LUC7L3: variants seen among roughly 807,000 people sequenced by gnomAD.
LUC7L3 encodes luc7-like protein 3.
In LUC7L3, 6 loss-of-function variants were observed where a neutral mutation model predicts 66.8. That is an observed-to-expected ratio of 0.09 (90% CI 0.05 to 0.18). The LOEUF is 0.18. Among genes scored for constraint, LUC7L3 ranks in the 10% least tolerant of loss-of-function variants. The probability of loss-of-function intolerance (pLI) is 1.00; values close to 1 mark genes in which losing one functional copy is unlikely to be tolerated. For missense variants in LUC7L3, 341 were observed against 531.1 expected (o/e 0.64, Z 3.52); for synonymous variants, 160 against 174.7 (o/e 0.92, Z 0.66).
In LUC7L3 at chr17:50,751,419, T is replaced by C; in HGVS notation, c.*758T>C. 1 of 1,288,716 alleles carries C rather than the reference T, an allele frequency of 7.8e-7. No homozygotes were observed. Among genetic ancestry groups the C allele is most frequent in the Non-Finnish European group, 1.0e-6 (1 of 988,154 alleles). The allele number at this position is 1,288,716 out of a possible 1,614,324, so 79.8% of individuals were successfully genotyped here. The stretch of plus-strand genomic sequence containing the variant: ...ACATCCATGTTTGAATGCTATTGCC[T>C]GTGATCTTTACGCTTAACTGTTGTG... On this transcript the variant is annotated 3_prime_UTR_variant, in exon 10 of 10. Coordinates refer to ENST00000505658, the MANE Select transcript of LUC7L3 (RefSeq NM_016424.5).
Position 50,750,894 on chromosome 17 carries a change from C to T in LUC7L3, c.*233C>T. 1 of 1,536,084 alleles carries T rather than the reference C, an allele frequency of 6.5e-7. No individual in the cohort carries two copies. Among genetic ancestry groups the T allele is most frequent in the Non-Finnish European group, 8.7e-7 (1 of 1,146,854 alleles). On this transcript the variant is annotated 3_prime_UTR_variant, in exon 10 of 10. Coordinates refer to ENST00000505658, the MANE Select transcript of LUC7L3 (RefSeq NM_016424.5). ...CAGCTATTTTGTAGCAGACTCGTGC[C>T]CCCATTAGTGTGCCTCTTTGGAAAT...
chr17:50,749,258 A>G, intron 9 of LUC7L3: 2 of 1,289,164 alleles, frequency 1.6e-6, no homozygotes, highest in African/African-American at 1.5e-5. Context: ...CTAGTCCTCT[A>G]CGGGACAACA....
chr17:50,733,403 T>TTG (rs553175904), intron 1 of LUC7L3, among the ~76,000 whole-genome samples: 13,681 of 140,386 alleles, frequency 0.097, 1,338 homozygotes, highest in African/African-American at 0.24. Context: ...GGCTAGTTTT[T>TTG]TTTTTTTTTT....
intron 9 of LUC7L3, 65 bp downstream of exon 9, chr17:50,746,767 T>C: frequency 7.0e-7 from 1 of 1,427,420 alleles, no homozygotes; most frequent in Non-Finnish European, 9.6e-7. Flanking sequence ...CCACTCACTT[T>C]TCTCCAGACA....
intron 1 of LUC7L3, among the ~76,000 whole-genome samples, chr17:50,721,366 A>G (rs1219159952): frequency 6.6e-6 from 1 of 152,204 alleles, no homozygotes; most frequent in East Asian, 1.9e-4. Context: ...ATTTGTTGCC[A>G]CATTGCATTG....
intron 2 of LUC7L3, chr17:50,738,102 T>A: frequency 2.2e-6 from 1 of 453,382 alleles, no homozygotes; most frequent in South Asian, 1.6e-5. Context: ...CTCTGCCCTG[T>A]TCCTAGAAGG....
rs757242030 is a variant in LUC7L3 at position 50,746,577 on chromosome 17, G to C, written c.1013G>C (p.Arg338Pro). 6.2e-7 allele frequency: 1 copy of C among 1,613,876 alleles called. No individual in the cohort carries two copies. Among genetic ancestry groups the C allele is most frequent in the African/African-American group, 1.3e-5 (1 of 74,892 alleles). ...RDRRRSRSHD[R>P]SERKHRSRSR... ...CGACGAAGAAGCAGAAGCCATGATC[G>C]ATCAGAAAGAAAACACAGATCTCGA... is the stretch of plus-strand genomic sequence containing the variant. Residue 338 changes from arginine to proline, a missense_variant, in exon 9 of 10, where the codon CGA (arginine) becomes CCA (proline). Physicochemically the swap from Arg to Pro is moderately radical, Grantham distance 103. Around this residue, in one of 6 missense-constraint regions of LUC7L3, gnomAD observed 210 missense variants for 238.1 expected, o/e 0.88. Coordinates refer to ENST00000505658, the MANE Select transcript of LUC7L3 (RefSeq NM_016424.5).
At chr17:50,729,916 ATATATATATATATATATATATATATATAT>A (rs1969461901) in intron 1 of LUC7L3, among the ~76,000 whole-genome samples, 1 of 85,238 alleles carries the variant, frequency 1.2e-5, no homozygotes, top group Non-Finnish European at 2.4e-5. Context: ...ATATATATAT[ATATATATATATATATATATATATATATAT>A]GTATGTATTT....
chr17:50,724,554 A>G (rs1356535632), intron 1 of LUC7L3, among the ~76,000 whole-genome samples: 2 of 151,592 alleles, frequency 1.3e-5, no homozygotes, highest in African/African-American at 2.4e-5. Flanking sequence ...CCACAATACC[A>G]TAATCACTGA....
chr17:50,741,276 C>T (rs776448701), intron 4 of LUC7L3, 30 bp downstream of exon 4: 23 of 1,604,390 alleles, frequency 1.4e-5, no homozygotes, highest in Admixed American at 3.4e-5. Context: ...TCTTTGTAAA[C>T]GGTCCTTGTT....
chr17:50,755,779 A>G lies in LUC7L3; in HGVS notation c.*5118A>G, dbSNP rs1971098461. The G allele has an allele frequency of 6.6e-6, 1 of 152,224 alleles. No individual in the cohort carries two copies. Among genetic ancestry groups the G allele is most frequent in the African/African-American group, 2.4e-5 (1 of 41,436 alleles). The allele number at this position is 152,224 out of a possible 1,614,324, so 9.4% of individuals were successfully genotyped here. A position where few individuals can be genotyped will look rare whatever the true frequency, so the allele number is the denominator to read the frequency against. ...ATGGATTTAAGCATTTGTGTGTAATAGGAAGAAAAGAAGAAAAAACCCGGG... is the reference window on the plus strand; with the variant it reads ...ATGGATTTAAGCATTTGTGTGTAATGGGAAGAAAAGAAGAAAAAACCCGGG... On this transcript the variant is annotated 3_prime_UTR_variant, in exon 10 of 10. Transcript: ENST00000505658.
At chr17:50,736,780 T>C in intron 1 of LUC7L3, 180 bp from the exon 2 acceptor site, 2 of 555,544 alleles carry the variant, frequency 3.6e-6, no homozygotes, top group South Asian at 4.6e-5. Flanking sequence ...ATTTATTCTT[T>C]TATCGAAATT....
rs1196109360 is a variant in LUC7L3, at chr17:50,753,778, A to G, written c.*3117A>G. ...ATAAAAAATCTAGGAAGTTACTAAA[A>G]TACCAGATTTGTTCTGCTCTGCCTC... On this transcript the variant is annotated 3_prime_UTR_variant, in exon 10 of 10. Coordinates refer to ENST00000505658, the MANE Select transcript of LUC7L3 (RefSeq NM_016424.5). 6.6e-6 allele frequency: 1 copy of G among 152,164 alleles called. No individual in the cohort carries two copies. Among genetic ancestry groups the G allele is most frequent in the African/African-American group, 2.4e-5 (1 of 41,426 alleles). The allele number at this position is 152,164 out of a possible 1,614,324, so 9.4% of individuals were successfully genotyped here.
chr17:50,721,757 G>A (rs1968782430), intron 1 of LUC7L3, among the ~76,000 whole-genome samples: 1 of 152,178 alleles, frequency 6.6e-6, no homozygotes, highest in African/African-American at 2.4e-5. Context: ...AACCTGCAGG[G>A]ATGGGCAAAC....
chr17:50,727,198 GT>G (rs988613666), intron 1 of LUC7L3, among the ~76,000 whole-genome samples: 7 of 152,300 alleles, frequency 4.6e-5, no homozygotes, highest in Admixed American at 2.0e-4. Flanking sequence ...TGATAGTTAG[GT>G]TTTAGGGGAG....
intron 1 of LUC7L3, among the ~76,000 whole-genome samples, chr17:50,729,439 T>C (rs957312811): frequency 2.0e-5 from 3 of 152,240 alleles, no homozygotes; most frequent in African/African-American, 4.8e-5. Context: ...CATTGTAATA[T>C]ACAATATATT....
chr17:50,726,710 T>C lies in LUC7L3; in HGVS notation c.99+6879T>C, dbSNP rs374534921. ...ATAAATACAGCACTGTAAATGTGTT[T>C]TCACATTTTTTTCTCTAGCTTACTT... is the stretch of plus-strand genomic sequence containing the variant. On this transcript the variant is annotated intron_variant, in intron 1 of 9. Coordinates refer to ENST00000505658, the MANE Select transcript of LUC7L3 (RefSeq NM_016424.5). 1.6e-4 allele frequency among the ~76,000 whole-genome samples: 25 copies of C among 152,322 alleles called. No homozygotes were observed. The South Asian group carries it at 4.8e-3, about 29-fold the overall frequency.
chr17:50,728,985 G>A (rs540073406), intron 1 of LUC7L3, among the ~76,000 whole-genome samples: 30 of 152,124 alleles, frequency 2.0e-4, no homozygotes, highest in African/African-American at 7.2e-4. Context: ...TGCATTTAAC[G>A]TCGTTAATGG....
intron 1 of LUC7L3, chr17:50,723,122 T>G (rs1426749450): frequency 6.6e-6 from 1 of 152,224 alleles, no homozygotes; most frequent in African/African-American, 2.4e-5. Context: ...TTGTAAAGTC[T>G]GATCGGGAGT....
Sources: gnomAD v4.1 joint callset for allele counts (sites outside exome capture counted in the v4.1 genomes callset) on GRCh38, gnomAD v4.1.1 for gene constraint, gnomAD v4.1.1 regional missense constraint, MANE v1.5 for transcripts, NCBI Gene and HGNC (gene_info 2026-07-23, HGNC 2026-07-21) for gene names.